Variants in PPP2CA observed in about 807,000 individuals in gnomAD.
PPP2CA encodes the protein serine/threonine-protein phosphatase 2A catalytic subunit alpha isoform.
In PPP2CA, 5 loss-of-function variants were observed where a neutral mutation model predicts 38.8. That is an observed-to-expected ratio of 0.13 (90% confidence interval 0.07 to 0.27). PPP2CA has a LOEUF of 0.27. Ranked by LOEUF, PPP2CA falls within the 10% of genes least tolerant of loss-of-function variation. PPP2CA has a pLI of 1.00. For synonymous variants in PPP2CA, 152 were observed against 134.0 expected (o/e 1.13, Z -0.93); for missense variants, 88 against 389.7 (o/e 0.23, Z 6.52).
intron 4 of PPP2CA, 143 bp from the exon 5 acceptor site, chr5:134,200,639 C>T: frequency 1.1e-6 from 1 of 883,060 alleles, no homozygotes; most frequent in Non-Finnish European, 1.7e-6. Context: ...CAGTTGAAGT[C>T]AAACATCTGC....
chr5:134,221,063 T>C (rs1003953396), intron 1 of PPP2CA, among the ~76,000 whole-genome samples: 36 of 152,136 alleles, frequency 2.4e-4, no homozygotes, highest in Admixed American at 9.2e-4. Context: ...ATGAAACAAA[T>C]ACACACATGC....
At chr5:134,209,818 C>T (rs925977879) in intron 1 of PPP2CA, among the ~76,000 whole-genome samples, 10 of 151,806 alleles carry the variant, frequency 6.6e-5, no homozygotes, top group African/African-American at 2.2e-4. Context: ...CGGCTCATGC[C>T]TGTAATCCCA....
At chr5:134,201,463 C>G (rs908823699) in intron 3 of PPP2CA, among the ~76,000 whole-genome samples, 1 of 152,210 alleles carries the variant, frequency 6.6e-6, no homozygotes, top group Non-Finnish European at 1.5e-5. Flanking sequence ...TTGGATATCA[C>G]TCCTGCCCTT....
rs1762564116 is a variant in PPP2CA, at chr5:134,225,750, T to G, written c.102+10A>C. ...CCGCGGCGGCTGTCCGCAGCCGTAC[T>G]ACAGCTCACCTTCTCGCAGAGGCTC... On this transcript the variant is annotated intron_variant, in intron 1 of 6. Transcript: ENST00000481195. The G allele has an allele frequency of 3.1e-6, 5 of 1,603,416 alleles. No homozygotes were observed. Among genetic ancestry groups the G allele is most frequent in the Non-Finnish European group, 3.4e-6 (4 of 1,177,634 alleles).
intron 3 of PPP2CA, among the ~76,000 whole-genome samples, chr5:134,201,319 A>AATGAGCAGAGCAC (rs1385709531): frequency 1.3e-5 from 2 of 152,188 alleles, no homozygotes; most frequent in Non-Finnish European, 2.9e-5. Flanking sequence ...GCTCTGCCTG[A>AATGAGCAGAGCAC]ATGAGACTTG....
chr5:134,224,306 C>T (rs1762512685), intron 1 of PPP2CA: 1 of 455,760 alleles, frequency 2.2e-6, no homozygotes, highest in South Asian at 1.6e-5. Context: ...TACATCGCTA[C>T]CATTAAAAGG....
chr5:134,225,650 T>A (rs1195897327), intron 1 of PPP2CA, 110 bp downstream of exon 1: 15 of 943,542 alleles, frequency 1.6e-5, no homozygotes, highest in Non-Finnish European at 2.0e-5. Flanking sequence ...TCTCGGAGAC[T>A]CGGGGGGCCC....
intron 1 of PPP2CA, among the ~76,000 whole-genome samples, chr5:134,212,106 G>A (rs1762217532): frequency 5.3e-5 from 5 of 94,050 alleles, no homozygotes; most frequent in Admixed American, 5.3e-4. Context: ...GTGACAGTGA[G>A]ACTCCATCTC....
chr5:134,198,374 CAGAGTGAGACTCCGTCTCAAA>C (rs1373503671), intron 6 of PPP2CA, among the ~76,000 whole-genome samples: 1 of 145,794 alleles, frequency 6.9e-6, no homozygotes, highest in Non-Finnish European at 1.5e-5. Context: ...GCCTGGGTGA[CAGAGTGAGACTCCGTCTCAAA>C]AAACAAACAA....
At chr5:134,215,845 G>A (rs1762307633) in intron 1 of PPP2CA, among the ~76,000 whole-genome samples, 2 of 152,150 alleles carry the variant, frequency 1.3e-5, no homozygotes, top group Non-Finnish European at 2.9e-5. Context: ...CTGAACAAAT[G>A]CTATCTCAGA....
rs570029797 is a variant in PPP2CA, at chr5:134,204,362, A to G, written c.312+1560T>C. Among the ~76,000 whole-genome samples, 9 of 152,400 alleles carry G rather than the reference A, an allele frequency of 5.9e-5. 1 individual carries two copies. In the South Asian group the frequency reaches 1.9e-3, roughly 32 times the overall value. On this transcript the variant is annotated intron_variant, in intron 2 of 6. Transcript: ENST00000481195. ...ACAGCTCTTTACCATCTTTTGCTTC[A>G]TGTTCAGATCATCATCAGTACACTT...
chr5:134,195,821 T>C lies in PPP2CA; in HGVS notation c.*1951A>G, dbSNP rs1761837577. The C allele has an allele frequency of 6.6e-6, 1 of 152,238 alleles. No homozygotes were observed. The highest frequency in any genetic ancestry group is 1.5e-5 in the Non-Finnish European group (1 of 68,046). The allele number at this position is 152,238 out of a possible 1,614,324, so 9.4% of individuals were successfully genotyped here. A position where few individuals can be genotyped will look rare whatever the true frequency, so the allele number is the denominator to read the frequency against. On this transcript the variant is annotated 3_prime_UTR_variant, in exon 7 of 7. Coordinates refer to ENST00000481195, the MANE Select transcript of PPP2CA (RefSeq NM_002715.4). ...AGTTATGCTAAAACCAAGCTATTCT[T>C]ATCACAAGTCCCATTCTGCTAACCA...
At chr5:134,205,740 T>C (rs1762069910) in intron 2 of PPP2CA, 182 bp downstream of exon 2, 3 of 564,206 alleles carry the variant, frequency 5.3e-6, no homozygotes, top group Non-Finnish European at 9.4e-6. Context: ...TTTGATTCTG[T>C]ACCATCCCCT....
At chr5:134,200,845 A>C (rs1034094271) in intron 4 of PPP2CA, 140 bp downstream of exon 4, 43 of 716,086 alleles carry the variant, frequency 6.0e-5, no homozygotes, top group Non-Finnish European at 9.4e-5. Flanking sequence ...CTTCTTTTGA[A>C]CAACAGGGCA....
chr5:134,213,403 G>C (rs545819808), intron 1 of PPP2CA, among the ~76,000 whole-genome samples: 1 of 139,920 alleles, frequency 7.1e-6, no homozygotes, highest in Admixed American at 7.3e-5. Flanking sequence ...GCATTACTGA[G>C]ACCTACTGCT....
At chr5:134,212,704 T>C (rs143146042) in intron 1 of PPP2CA, among the ~76,000 whole-genome samples, 1 of 152,336 alleles carries the variant, frequency 6.6e-6, no homozygotes, top group Admixed American at 6.5e-5. Flanking sequence ...ACTGCTAAGG[T>C]ATAAATGCAA....
rs536502265 is a variant in PPP2CA, at chr5:134,224,010, A to G, written c.102+1750T>C. Among the ~76,000 whole-genome samples, 62 of 152,324 alleles carry G rather than the reference A, an allele frequency of 4.1e-4. 1 individual carries two copies. The highest frequency in any genetic ancestry group is 1.4e-3 in the African/African-American group (60 of 41,574). On this transcript the variant is annotated intron_variant, in intron 1 of 6. Transcript: ENST00000481195. ...AGTCTGTCACAATTACTCAAGTAAG[A>G]GCAGAAGGACTCATGTCCAAATCTA... is the stretch of plus-strand genomic sequence containing the variant.
chr5:134,225,158 T>TA (rs1762539823), intron 1 of PPP2CA, among the ~76,000 whole-genome samples: 2 of 152,232 alleles, frequency 1.3e-5, no homozygotes, highest in Non-Finnish European at 2.9e-5. Context: ...ATGACCTTCG[T>TA]AAAAATTAGG....
intron 2 of PPP2CA, chr5:134,202,253 C>T (rs1369245581): frequency 9.3e-6 from 4 of 430,440 alleles, no homozygotes; most frequent in Non-Finnish European, 1.6e-5. Flanking sequence ...AACTTTATAC[C>T]AAACATAAAT....
Sources: gnomAD v4.1 joint callset for allele counts (sites outside exome capture counted in the v4.1 genomes callset) on GRCh38, gnomAD v4.1.1 for gene constraint, MANE v1.5 for transcripts, NCBI Gene and HGNC (gene_info 2026-07-23, HGNC 2026-07-21) for gene names.